The following CNGA3 variants were observed in gnomAD, a reference collection of about 807,000 sequenced individuals.
The protein encoded by CNGA3 is cyclic nucleotide gated channel subunit alpha 3.
Under a neutral mutation model 46.6 loss-of-function variants are expected in CNGA3, and 42 were observed. The observed-to-expected ratio is 0.90, with a 90% confidence interval of 0.70 to 1.17. CNGA3 has a LOEUF of 1.17. Ranked by LOEUF, CNGA3 falls within the 50% of genes most tolerant of loss-of-function variation. The probability of loss-of-function intolerance (pLI) is 0.00; values close to 1 mark genes in which losing one functional copy is unlikely to be tolerated. For missense variants in CNGA3, 893 were observed against 890.7 expected (o/e 1.00, Z -0.03); for synonymous variants, 394 against 369.4 (o/e 1.07, Z -0.76).
intron 5 of CNGA3, among the ~76,000 whole-genome samples, chr2:98,388,563 C>T (rs1692712609): frequency 6.6e-6 from 1 of 152,222 alleles, no homozygotes. Flanking sequence ...AGAATCCTCT[C>T]CAAGCTCCGG....
chr2:98,369,854 G>C (rs1164382682), intron 1 of CNGA3, 85 bp from the exon 2 acceptor site: 1 of 824,110 alleles, frequency 1.2e-6, no homozygotes, highest in South Asian at 1.5e-5. Flanking sequence ...GGGGGGCCGC[G>C]TGCGGTAGCC....
At chr2:98,367,473 C>A (rs565526015) in intron 1 of CNGA3, among the ~76,000 whole-genome samples, 117 of 152,234 alleles carry the variant, frequency 7.7e-4, no homozygotes, top group Non-Finnish European at 1.4e-3. Flanking sequence ...GGATTACGGG[C>A]GTGAGCTACC....
chr2:98,346,681 TCCGCAGCCC>T (rs1352640485), intron 1 of CNGA3, 147 bp downstream of exon 1: 2 of 389,066 alleles, frequency 5.1e-6, no homozygotes, highest in African/African-American at 2.1e-5. Context: ...CGCGGCGCTG[TCCGCAGCCC>T]CCGGTGCTGA....
At chr2:98,379,803 T>C (rs1173267312) in intron 3 of CNGA3, 1 of 305,518 alleles carries the variant, frequency 3.3e-6, no homozygotes, top group African/African-American at 2.1e-5. Context: ...CTTCCTGCAC[T>C]TGGCAGTCAT....
intron 7 of CNGA3, among the ~76,000 whole-genome samples, chr2:98,394,207 G>A (rs1262483617): frequency 1.3e-5 from 2 of 152,070 alleles, no homozygotes; most frequent in African/African-American, 4.8e-5. Context: ...GTTTGAAAAT[G>A]TAAAAAACAA....
At chr2:98,365,845 C>T (rs960051062) in intron 1 of CNGA3, among the ~76,000 whole-genome samples, 1 of 152,184 alleles carries the variant, frequency 6.6e-6, no homozygotes, top group Non-Finnish European at 1.5e-5. Flanking sequence ...TTAGAACGTG[C>T]TCCTTTAGCT....
In CNGA3 at chr2:98,380,220, T is replaced by A; in HGVS notation, c.261T>A (p.His87Gln). 1.2e-6 allele frequency: 2 copies of A among 1,614,174 alleles called. No homozygotes were observed. The highest frequency in any genetic ancestry group is 1.7e-6 in the Non-Finnish European group (2 of 1,180,022). The change falls in exon 4 of 8, where the codon CAT becomes CAA. Residue 87 changes from histidine (H) to glutamine (Q), a missense_variant. His to Gln is a conservative substitution (Grantham distance 24, BLOSUM62 0). This residue lies in a region of CNGA3 where 333 missense variants were observed against 290.8 expected (regional missense o/e 1.15). Coordinates refer to ENST00000272602, the MANE Select transcript of CNGA3 (RefSeq NM_001298.3). ...IFLLRRWAARHVHHQDQGPDS... is the reference protein window; with the variant it reads ...IFLLRRWAARQVHHQDQGPDS... ...TGCTGCGCAGGTGGGCTGCCAGGCA[T>A]GTGCACCACCAGGACCAGGGACCGG... is the stretch of plus-strand genomic sequence containing the variant.
Position 98,389,775 on chromosome 2 carries a change from G to A in CNGA3, c.566+1G>A, listed in dbSNP as rs748483699. The stretch of plus-strand genomic sequence containing the variant: ...ATAACTGGTATCTGCTTATTTGCAG[G>A]TAAGCGACAGGGGTGGAAGGTGCAG... On this transcript the variant is annotated splice_donor_variant, in intron 6 of 7. Transcript: ENST00000272602. LOFTEE classifies it high-confidence loss of function. 6.2e-7 allele frequency: 1 copy of A among 1,610,012 alleles called. No homozygotes were observed.
At chr2:98,387,529 T>C (rs1692678771) in intron 5 of CNGA3, among the ~76,000 whole-genome samples, 1 of 152,224 alleles carries the variant, frequency 6.6e-6, no homozygotes, top group Non-Finnish European at 1.5e-5. Context: ...GATAACTTTA[T>C]AAGAGTTCCT....
chr2:98,364,252 C>A (rs556260726), intron 1 of CNGA3, among the ~76,000 whole-genome samples: 8 of 152,016 alleles, frequency 5.3e-5, no homozygotes, highest in Non-Finnish European at 8.8e-5. Context: ...GTGGCATGGG[C>A]GTGTTATCCC....
chr2:98,378,255 G>A (rs565293136), intron 3 of CNGA3: 2 of 1,532,092 alleles, frequency 1.3e-6, no homozygotes, highest in Non-Finnish European at 8.8e-7. Context: ...TTGTTTGCAA[G>A]ATTAGTGAGA....
chr2:98,352,196 T>G (rs1026527910), intron 1 of CNGA3, among the ~76,000 whole-genome samples: 1 of 152,242 alleles, frequency 6.6e-6, no homozygotes, highest in Non-Finnish European at 1.5e-5. Context: ...CACTGTTTTA[T>G]TCTTTCCTAT....
rs539644741 is a variant in CNGA3 at position 98,377,230 on chromosome 2, G to C, written c.102-457G>C. On this transcript the variant is annotated intron_variant, in intron 2 of 7. Transcript: ENST00000272602. Reference sequence around the variant, plus strand: ...CCCAGGCAGTGTGGCTGCAGCACACGCAGTGGGAAGGGAGGCTCAGAAAGA... The same window carrying C: ...CCCAGGCAGTGTGGCTGCAGCACACCCAGTGGGAAGGGAGGCTCAGAAAGA... 609 of 178,678 alleles carry C rather than the reference G, an allele frequency of 3.4e-3. 2 individuals are homozygous for C. Among genetic ancestry groups the C allele is most frequent in the African/African-American group, 0.014 (588 of 42,390 alleles). The allele number at this position is 178,678 out of a possible 1,614,324, so 11.1% of individuals were successfully genotyped here.
chr2:98,361,021 A>T (rs746746557), intron 1 of CNGA3, among the ~76,000 whole-genome samples: 1 of 107,144 alleles, frequency 9.3e-6, no homozygotes, highest in Non-Finnish European at 2.4e-5. Flanking sequence ...ATTTTATTTT[A>T]TTTATTTTAT....
chr2:98,375,930 T>A (rs1468232247), intron 2 of CNGA3, among the ~76,000 whole-genome samples: 1 of 152,088 alleles, frequency 6.6e-6, no homozygotes. Flanking sequence ...AGGGTTGTTG[T>A]GTGGATGAAA....
chr2:98,389,833 G>A (rs774719016), intron 6 of CNGA3, 59 bp downstream of exon 6: 2 of 1,401,062 alleles, frequency 1.4e-6, no homozygotes, highest in Non-Finnish European at 2.0e-6. Flanking sequence ...CCAGGCCCAG[G>A]AGCCAGAGCT....
intron 3 of CNGA3, among the ~76,000 whole-genome samples, chr2:98,378,800 G>A (rs1043927714): frequency 6.6e-6 from 1 of 152,226 alleles, no homozygotes; most frequent in African/African-American, 2.4e-5. Context: ...CAGAGCCAGT[G>A]GGGCTCGCAG....
intron 1 of CNGA3, among the ~76,000 whole-genome samples, chr2:98,349,575 C>T (rs552748473): frequency 3.9e-5 from 6 of 152,234 alleles, no homozygotes; most frequent in African/African-American, 1.4e-4. Context: ...GGAGTGACAG[C>T]CTGAAGATGG....
intron 1 of CNGA3, among the ~76,000 whole-genome samples, chr2:98,361,317 A>G (rs1181459214): frequency 6.6e-6 from 1 of 152,104 alleles, no homozygotes; most frequent in African/African-American, 2.4e-5. Flanking sequence ...TGCTGAGGAT[A>G]ATGGCTTCCA....
Sources: allele counts gnomAD v4.1 joint callset (sites outside exome capture counted in the v4.1 genomes callset), GRCh38; gene constraint gnomAD v4.1.1; regional missense constraint gnomAD v4.1.1; transcripts MANE v1.5; gene names NCBI Gene and HGNC (gene_info 2026-07-23, HGNC 2026-07-21).